The following RARB variants were observed in gnomAD, a reference collection of about 807,000 sequenced individuals.
The protein encoded by RARB is HBV-activated protein.
Under a neutral mutation model 51.9 loss-of-function variants are expected in RARB, and 17 were observed. The observed-to-expected ratio is 0.33, with a 90% CI of 0.22 to 0.49. The LOEUF is 0.49. Ranked by LOEUF, RARB falls within the 20% of genes least tolerant of loss-of-function variation. The pLI is 0.99. For synonymous variants in RARB, 215 were observed against 195.4 expected, an observed-to-expected ratio of 1.10 and a Z score of -0.84; for missense variants, 369 against 550.8, an observed-to-expected ratio of 0.67 and a Z score of 3.30.
intron 3 of RARB, among the ~76,000 whole-genome samples, chr3:25,076,210 G>A (rs1698867868): frequency 6.6e-6 from 1 of 151,308 alleles, no homozygotes. Flanking sequence ...GGTGTGATCT[G>A]GCTCACCGCA....
At chr3:25,086,026 G>A (rs996697720) in intron 3 of RARB, among the ~76,000 whole-genome samples, 6 of 152,128 alleles carry the variant, frequency 3.9e-5, no homozygotes, top group African/African-American at 1.4e-4. Context: ...TTACGGCTTT[G>A]CCATTCTCTA....
At chr3:24,850,050 A>C (rs905160546) in intron 1 of RARB, among the ~76,000 whole-genome samples, 2 of 151,918 alleles carry the variant, frequency 1.3e-5, no homozygotes, top group African/African-American at 4.8e-5. Context: ...TTTGCTGAAG[A>C]CCTCCTTTTA....
chr3:24,991,830 C>T (rs1696918451), intron 2 of RARB, among the ~76,000 whole-genome samples: 1 of 151,850 alleles, frequency 6.6e-6, no homozygotes, highest in African/African-American at 2.4e-5. Flanking sequence ...CGTGCTCAGC[C>T]ATCTCTCCTC....
chr3:25,580,421 C>T (rs1701124715), intron 4 of RARB, 125 bp from the exon 5 acceptor site: 1 of 875,128 alleles, frequency 1.1e-6, no homozygotes, highest in African/African-American at 1.7e-5. Flanking sequence ...ATGTAGCTGT[C>T]CCACCAACAA....
chr3:24,938,146 G>GT (rs1352208804), intron 2 of RARB, among the ~76,000 whole-genome samples: 1 of 152,208 alleles, frequency 6.6e-6, no homozygotes, highest in Non-Finnish European at 1.5e-5. Flanking sequence ...TGGGCCAATG[G>GT]TAAGATGAAA....
chr3:25,138,384 T>G (rs953968547), intron 4 of RARB, among the ~76,000 whole-genome samples: 1 of 151,684 alleles, frequency 6.6e-6, no homozygotes, highest in Admixed American at 6.6e-5. Flanking sequence ...AGGTTCTAGG[T>G]TGAACATTGC....
chr3:25,213,075 T>G (rs1701738420), intron 5 of RARB, among the ~76,000 whole-genome samples: 1 of 152,176 alleles, frequency 6.6e-6, no homozygotes, highest in Non-Finnish European at 1.5e-5. Context: ...AACAGTATTT[T>G]TTTAACTGTT....
intron 2 of RARB, among the ~76,000 whole-genome samples, chr3:25,481,925 TAGAAAA>T (rs1696242247): frequency 1.3e-5 from 2 of 152,138 alleles, no homozygotes; most frequent in Non-Finnish European, 1.5e-5. Flanking sequence ...TCCCACAAGG[TAGAAAA>T]TAGTACTATC....
intron 5 of RARB, among the ~76,000 whole-genome samples, chr3:25,326,819 G>C (rs1027772115): frequency 1.9e-4 from 24 of 125,592 alleles, no homozygotes; most frequent in African/African-American, 6.9e-4. Context: ...AGGATAAAAA[G>C]ACACAGGGAT....
chr3:25,123,444 C>A (rs1423755887), intron 3 of RARB, among the ~76,000 whole-genome samples: 2 of 152,180 alleles, frequency 1.3e-5, no homozygotes, highest in Non-Finnish European at 2.9e-5. Context: ...ACCCAGTGTT[C>A]TTCACTAGAC....
At chr3:25,184,651 T>C (rs1384750105) in intron 5 of RARB, among the ~76,000 whole-genome samples, 1 of 152,154 alleles carries the variant, frequency 6.6e-6, no homozygotes, top group Non-Finnish European at 1.5e-5. Flanking sequence ...ATAAGGACAA[T>C]TTATCTTTGA....
At chr3:25,432,712 A>G (rs1304815917) in intron 1 of RARB, among the ~76,000 whole-genome samples, 1 of 152,230 alleles carries the variant, frequency 6.6e-6, no homozygotes, top group Non-Finnish European at 1.5e-5. Flanking sequence ...TCTCCTTTAC[A>G]CATTCCACAG....
chr3:24,930,262 G>A (rs759181890), intron 2 of RARB, among the ~76,000 whole-genome samples: 1 of 152,070 alleles, frequency 6.6e-6, no homozygotes, highest in Non-Finnish European at 1.5e-5. Flanking sequence ...TGCTTTTCAG[G>A]AGTCTTATTC....
At position 25,254,409 on chromosome 3, in the gene RARB, T is replaced by C. The variant is rs114723251; in HGVS notation, c.178+79834T>C. Among the ~76,000 whole-genome samples, 541 of 152,326 alleles carry C rather than the reference T, an allele frequency of 3.6e-3. 6 individuals carry two copies. The highest frequency in any genetic ancestry group is 0.013 in the African/African-American group (526 of 41,586). On this transcript the variant is annotated intron_variant, in intron 5 of 11. Coordinates refer to the RARB transcript ENST00000383772. ...GATTTCTTGAAAGTTGAGTGAACTT[T>C]AGTCACCTAGAGCCTCATCATCTCT...
intron 3 of RARB, among the ~76,000 whole-genome samples, chr3:25,073,522 G>A (rs1698812307): frequency 1.3e-5 from 2 of 152,144 alleles, no homozygotes; most frequent in African/African-American, 4.8e-5. Context: ...TTATTGCAGG[G>A]TTTCTCAGAA....
At chr3:25,273,097 C>G (rs1703292027) in intron 5 of RARB, among the ~76,000 whole-genome samples, 3 of 152,116 alleles carry the variant, frequency 2.0e-5, no homozygotes, top group Non-Finnish European at 4.4e-5. Context: ...ACAAATAGCC[C>G]CAAGCTTCCT....
chr3:25,129,813 G>A lies in RARB; in HGVS notation c.-327-2348G>A, dbSNP rs1183012890. ...GTAGCCATCATTTGTCATTATTTTG[G>A]TATTAACTATACACCTTTTGGTGCA... On this transcript the variant is annotated intron_variant, in intron 3 of 11. Transcript: ENST00000383772. 3.3e-5 allele frequency among the ~76,000 whole-genome samples: 5 copies of A among 152,114 alleles called. No homozygotes were observed. In the East Asian group the frequency reaches 5.8e-4, roughly 18 times the overall value.
chr3:25,134,602 C>T (rs2125334459), intron 4 of RARB, among the ~76,000 whole-genome samples: 1 of 151,932 alleles, frequency 6.6e-6, no homozygotes, highest in Admixed American at 6.6e-5. Flanking sequence ...TGTGCTTATT[C>T]TCTGTCAACT....
In RARB at chr3:25,133,767, C is replaced by T. The variant is rs75225067; in HGVS notation, c.-280+1559C>T. 4.4e-4 allele frequency among the ~76,000 whole-genome samples: 67 copies of T among 151,752 alleles called. 2 individuals carry two copies. In the East Asian group the frequency reaches 0.011, roughly 25 times the overall value. On this transcript the variant is annotated intron_variant, in intron 4 of 11. Coordinates refer to the RARB transcript ENST00000383772. ...AAAGCTGTACACACATATGCAGACA[C>T]GCGTCCAAGACAAAAGGTTGATCGA...
Sources: gnomAD v4.1 joint callset for allele counts (sites outside exome capture counted in the v4.1 genomes callset) on GRCh38, gnomAD v4.1.1 for gene constraint, MANE v1.5 for transcripts, NCBI Gene and HGNC (gene_info 2026-07-23, HGNC 2026-07-21) for gene names.